The following KLHL1 variants were observed in gnomAD, a reference collection of about 807,000 sequenced individuals.
KLHL1 encodes the protein kelch like family member 1, also known as kelch-like protein 1.
KLHL1 carries 47 observed loss-of-function variants against 77.7 expected under a neutral mutation model. The observed-to-expected ratio is 0.60, with a 90% CI of 0.48 to 0.77. KLHL1 has a LOEUF of 0.77. Ranked by LOEUF, KLHL1 falls within the 30% of genes least tolerant of loss-of-function variation. The pLI is 0.00. For missense variants in KLHL1, 925 were observed against 910.8 expected (o/e 1.02, Z -0.20); for synonymous variants, 360 against 325.2 (o/e 1.11, Z -1.15).
At chr13:69,958,792 T>G (rs1470053639) in intron 3 of KLHL1, among the ~76,000 whole-genome samples, 2 of 151,874 alleles carry the variant, frequency 1.3e-5, no homozygotes, top group African/African-American at 4.8e-5. Context: ...CTATTCCCAC[T>G]CATTCATTTT....
At chr13:69,863,067 T>A (rs1485591674) in intron 5 of KLHL1, among the ~76,000 whole-genome samples, 3 of 152,178 alleles carry the variant, frequency 2.0e-5, no homozygotes, top group African/African-American at 7.2e-5. Flanking sequence ...CTTTGCAATG[T>A]AATTACTAAA....
chr13:69,712,772 T>TTTG, intron 9 of KLHL1, among the ~76,000 whole-genome samples: 1 of 52,984 alleles, frequency 1.9e-5, no homozygotes, highest in African/African-American at 6.8e-5. Flanking sequence ...TTTTTTTTTT[T>TTTG]GGGGGGGGGG....
At chr13:69,779,337 C>T (rs565032590) in intron 7 of KLHL1, among the ~76,000 whole-genome samples, 63 of 149,184 alleles carry the variant, frequency 4.2e-4, no homozygotes, top group African/African-American at 1.4e-3. Flanking sequence ...GTCTTCCTTC[C>T]TTCCTTCCCT....
At chr13:69,894,945 C>T in intron 4 of KLHL1, 2 of 460,810 alleles carry the variant, frequency 4.3e-6, no homozygotes, top group South Asian at 1.7e-5. Flanking sequence ...CCAGCAGATC[C>T]TTGTCTACAA....
intron 1 of KLHL1, among the ~76,000 whole-genome samples, chr13:70,013,812 C>T (rs1013128779): frequency 6.6e-6 from 1 of 152,126 alleles, no homozygotes; most frequent in East Asian, 1.9e-4. Flanking sequence ...AAAACAAACT[C>T]CATGCCCACA....
chr13:69,837,614 CTATATATATGTG>C lies in KLHL1; in HGVS notation c.1414+1350_1414+1361del, dbSNP rs1566308807. On this transcript the variant is annotated intron_variant, in intron 6 of 10. Coordinates refer to ENST00000377844, the MANE Select transcript of KLHL1 (RefSeq NM_020866.3). ...TATATATACACATACATCTCTCTCT[CTATATATATGTG>C]TGTGTATATATATATATGTGTATAT... 1.6e-3 allele frequency among the ~76,000 whole-genome samples: 222 copies of C among 136,246 alleles called. 1 individual carries two copies. Among genetic ancestry groups the C allele is most frequent in the African/African-American group, 6.2e-3 (204 of 32,672 alleles). The allele number at this position is 136,246 out of a possible 152,430, so 89.4% of individuals were successfully genotyped here. A position where few individuals can be genotyped will look rare whatever the true frequency, so the allele number is the denominator to read the frequency against.
intron 7 of KLHL1, among the ~76,000 whole-genome samples, chr13:69,745,719 A>AT (rs1874182898): frequency 6.6e-6 from 1 of 151,972 alleles, no homozygotes; most frequent in Admixed American, 6.6e-5. Flanking sequence ...AACAATGACT[A>AT]TTGAGGAAGA....
At chr13:69,787,175 G>C (rs1025456579) in intron 7 of KLHL1, among the ~76,000 whole-genome samples, 1 of 151,986 alleles carries the variant, frequency 6.6e-6, no homozygotes, top group African/African-American at 2.4e-5. Flanking sequence ...AGTTCATATG[G>C]AACCAAAAAA....
chr13:69,842,497 A>C (rs751030597), intron 5 of KLHL1, among the ~76,000 whole-genome samples: 3 of 151,900 alleles, frequency 2.0e-5, no homozygotes, highest in African/African-American at 7.2e-5. Context: ...ATGAAATACT[A>C]TCTTATCCCA....
intron 6 of KLHL1, among the ~76,000 whole-genome samples, chr13:69,834,689 T>A (rs1207198408): frequency 1.3e-5 from 2 of 152,112 alleles, no homozygotes; most frequent in Admixed American, 1.3e-4. Context: ...TAATAGTAAG[T>A]GTTTCTAAAA....
chr13:69,747,915 A>G (rs1171939460), intron 7 of KLHL1, among the ~76,000 whole-genome samples: 1 of 151,976 alleles, frequency 6.6e-6, no homozygotes, highest in Non-Finnish European at 1.5e-5. Context: ...TACACAGCAA[A>G]ATATACTAAT....
intron 4 of KLHL1, among the ~76,000 whole-genome samples, chr13:69,938,026 A>G (rs947309230): frequency 1.3e-5 from 2 of 152,012 alleles, no homozygotes; most frequent in East Asian, 3.9e-4. Context: ...AAAGCAGTTA[A>G]GGAGAAAAAA....
chr13:69,844,423 T>C (rs1879379549), intron 5 of KLHL1, among the ~76,000 whole-genome samples: 1 of 151,736 alleles, frequency 6.6e-6, no homozygotes, highest in Non-Finnish European at 1.5e-5. Context: ...TTATAACCAC[T>C]GTAACCTATT....
intron 6 of KLHL1, among the ~76,000 whole-genome samples, chr13:69,800,088 C>T (rs1877309220): frequency 6.6e-6 from 1 of 152,192 alleles, no homozygotes; most frequent in Non-Finnish European, 1.5e-5. Flanking sequence ...GTCCCTGGTG[C>T]CCAAAAAGTT....
At chr13:69,879,342 C>G (rs907345933) in intron 5 of KLHL1, among the ~76,000 whole-genome samples, 2 of 152,038 alleles carry the variant, frequency 1.3e-5, no homozygotes, top group Admixed American at 1.3e-4. Flanking sequence ...CTTCCCCTAC[C>G]ACTACAACTC....
intron 1 of KLHL1, among the ~76,000 whole-genome samples, chr13:70,001,372 A>T (rs1885283021): frequency 6.6e-6 from 1 of 151,452 alleles, no homozygotes; most frequent in East Asian, 1.9e-4. Context: ...TAAAGAAAAA[A>T]AATAGAAGTA....
intron 8 of KLHL1, among the ~76,000 whole-genome samples, chr13:69,726,488 A>G (rs1484958678): frequency 6.6e-6 from 1 of 151,898 alleles, no homozygotes; most frequent in Non-Finnish European, 1.5e-5. Flanking sequence ...ACAACAATAC[A>G]TTGGTGACTG....
intron 1 of KLHL1, among the ~76,000 whole-genome samples, chr13:70,046,797 T>C (rs1421429960): frequency 6.6e-6 from 1 of 152,028 alleles, no homozygotes; most frequent in Non-Finnish European, 1.5e-5. Flanking sequence ...TAAAGGCCCT[T>C]ACACCCGGCC....
intron 4 of KLHL1, among the ~76,000 whole-genome samples, chr13:69,905,778 G>A (rs1882027544): frequency 6.6e-6 from 1 of 151,988 alleles, no homozygotes; most frequent in African/African-American, 2.4e-5. Context: ...TTTTCTAAGT[G>A]GGCATATTAA....
Sources: allele counts gnomAD v4.1 joint callset (sites outside exome capture counted in the v4.1 genomes callset), GRCh38; gene constraint gnomAD v4.1.1; transcripts MANE v1.5; gene names NCBI Gene and HGNC (gene_info 2026-07-23, HGNC 2026-07-21).